The following FAM72C variants were observed in gnomAD, a reference collection of about 807,000 sequenced individuals.
FAM72C encodes the protein RUMY family member 3.
Under a neutral mutation model 5.2 loss-of-function variants are expected in FAM72C, and 1 was observed. The ratio of observed to expected loss-of-function variants is 0.19; its 90% CI spans 0.07 to 0.91. FAM72C has a LOEUF of 0.91. FAM72C is among the 40% of genes least tolerant of loss of function. FAM72C has a pLI of 0.66. For synonymous variants in FAM72C, 1 was observed against 21.8 expected (o/e 0.05, Z 2.66); for missense variants, 4 against 66.0 (o/e 0.06, Z 3.25).
intron 3 of FAM72C, among the ~76,000 whole-genome samples, chr1:143,959,904 G>A (rs1570987437): frequency 7.3e-6 from 1 of 137,370 alleles, no homozygotes; most frequent in Non-Finnish European, 1.5e-5. Context: ...TTGAGCCTGG[G>A]AGGTCGAGGC....
rs1271177372 is a variant in FAM72C, at chr1:143,959,923, G to C, written c.356-3442C>G. ...GCCTGGGAGGTCGAGGCTGCAGTGA[G>C]CCAAGATTGTGCCACTACACTCCAG... On this transcript the variant is annotated intron_variant, in intron 3 of 3. Coordinates refer to ENST00000584486, the MANE Select transcript of FAM72C (RefSeq NM_001287385.2). 1.5e-5 allele frequency among the ~76,000 whole-genome samples: 2 copies of C among 137,688 alleles called. 1 individual carries two copies. Among genetic ancestry groups the C allele is most frequent in the Non-Finnish European group, 3.1e-5 (2 of 64,478 alleles). 90.3% of individuals were successfully genotyped at this position (137,688 alleles called of 152,430 possible).
chr1:143,967,567 A>G (rs1661810865), intron 2 of FAM72C, among the ~76,000 whole-genome samples: 2 of 134,356 alleles, frequency 1.5e-5, no homozygotes, highest in African/African-American at 5.6e-5. Context: ...AGCCCTGGTA[A>G]CAATGACTAC....
In FAM72C at chr1:143,955,313, A is replaced by T. The variant is rs1553517425; in HGVS notation, c.*1074T>A. On this transcript the variant is annotated 3_prime_UTR_variant, in exon 4 of 4. Coordinates refer to ENST00000584486, the MANE Select transcript of FAM72C (RefSeq NM_001287385.2). ...TCTATACTTTAAGTACCATTTATTT[A>T]TATTTTTACATACAATATGTGGGCA... 6.9e-6 allele frequency: 1 copy of T among 144,346 alleles called. No individual in the cohort carries two copies. The highest frequency in any genetic ancestry group is 1.5e-5 in the Non-Finnish European group (1 of 65,724). The allele number at this position is 144,346 out of a possible 1,614,324, so 8.9% of individuals were successfully genotyped here. A position where few individuals can be genotyped will look rare whatever the true frequency, so the allele number is the denominator to read the frequency against.
chr1:143,966,997 C>G (rs1429108959), intron 2 of FAM72C, among the ~76,000 whole-genome samples: 1 of 142,842 alleles, frequency 7.0e-6, no homozygotes, highest in Non-Finnish European at 1.5e-5. Flanking sequence ...CATTGCACTC[C>G]AGCCTGGGCA....
chr1:143,965,734 C>G (rs1203674156), intron 2 of FAM72C, among the ~76,000 whole-genome samples: 2 of 72,348 alleles, frequency 2.8e-5, no homozygotes, highest in African/African-American at 1.0e-4. Context: ...GGTAGGAAGA[C>G]AGCATGAGTC....
At position 143,960,831 on chromosome 1, in the gene FAM72C, A is replaced by T. The variant is rs1166583566; in HGVS notation, c.355+4024T>A. On this transcript the variant is annotated intron_variant, in intron 3 of 3. Transcript: ENST00000584486. Reference sequence around the variant, plus strand: ...TGGTAGTGTACTTTCTTACTAAAATATTTTTTTTTTTTTTTTTTTTGAGAC... The same window carrying T: ...TGGTAGTGTACTTTCTTACTAAAATTTTTTTTTTTTTTTTTTTTTTGAGAC... 1.8e-3 allele frequency among the ~76,000 whole-genome samples: 212 copies of T among 115,256 alleles called. 22 individuals carry two copies. Among genetic ancestry groups the T allele is most frequent in the African/African-American group, 5.1e-3 (153 of 29,828 alleles). The allele number at this position is 115,256 out of a possible 152,430, so 75.6% of individuals were successfully genotyped here.
intron 3 of FAM72C, among the ~76,000 whole-genome samples, chr1:143,960,499 A>G (rs1434463236): frequency 1.5e-5 from 2 of 136,036 alleles, no homozygotes; most frequent in Middle Eastern, 7.6e-3. Flanking sequence ...AGGCTGAGGC[A>G]GGCGGATCCC....
At chr1:143,970,841 C>CACTT in intron 1 of FAM72C, 149 bp downstream of exon 1, 1 of 469,730 alleles carries the variant, frequency 2.1e-6, no homozygotes, top group South Asian at 2.2e-5. Flanking sequence ...ACAGTCTGCC[C>CACTT]ACTTAGATAT....
intron 1 of FAM72C, among the ~76,000 whole-genome samples, chr1:143,969,243 G>GA (rs1235645044): frequency 9.4e-5 from 1 of 10,616 alleles, no homozygotes. Flanking sequence ...TTCATCTGTA[G>GA]AATCAATGGA....
At chr1:143,967,107 G>T (rs1266602157) in intron 2 of FAM72C, among the ~76,000 whole-genome samples, 1 of 145,030 alleles carries the variant, frequency 6.9e-6, no homozygotes, top group Admixed American at 6.9e-5. Context: ...GCCGAGGCAG[G>T]TGGATCACTT....
chr1:143,959,936 C>A lies in FAM72C; in HGVS notation c.356-3455G>T, dbSNP rs587683845. 4.5e-4 allele frequency among the ~76,000 whole-genome samples: 62 copies of A among 137,690 alleles called. 6 individuals are homozygous for A. The East Asian group carries it at 0.013, about 28-fold the overall frequency. 90.3% of individuals were successfully genotyped at this position (137,690 alleles called of 152,430 possible). A position where few individuals can be genotyped will look rare whatever the true frequency, so the allele number is the denominator to read the frequency against. ...AGGCTGCAGTGAGCCAAGATTGTGC[C>A]ACTACACTCCAGCCTGGGTGACAGA... On this transcript the variant is annotated intron_variant, in intron 3 of 3. Transcript: ENST00000584486.
intron 3 of FAM72C, among the ~76,000 whole-genome samples, chr1:143,959,922 A>G (rs1661554511): frequency 7.2e-6 from 1 of 138,018 alleles, no homozygotes; most frequent in South Asian, 2.3e-4. Flanking sequence ...GGCTGCAGTG[A>G]GCCAAGATTG....
intron 3 of FAM72C, among the ~76,000 whole-genome samples, chr1:143,960,362 C>T (rs1361696779): frequency 4.0e-5 from 3 of 74,958 alleles, no homozygotes; most frequent in East Asian, 6.2e-4. Flanking sequence ...GCCGAGATCA[C>T]GCCACTGCTC....
At chr1:143,963,807 G>T (rs1244508672) in intron 3 of FAM72C, among the ~76,000 whole-genome samples, 2 of 140,730 alleles carry the variant, frequency 1.4e-5, no homozygotes, top group Non-Finnish European at 3.1e-5. Context: ...GCAGTTTTTA[G>T]CAATAAAGCA....
At chr1:143,960,676 A>T (rs1661591219) in intron 3 of FAM72C, among the ~76,000 whole-genome samples, 1 of 128,954 alleles carries the variant, frequency 7.8e-6, no homozygotes, top group African/African-American at 2.9e-5. Context: ...AGCCAAGATG[A>T]CACCATTGCA....
intron 2 of FAM72C, among the ~76,000 whole-genome samples, chr1:143,965,195 CTAT>C (rs1288339542): frequency 0.27 from 24,604 of 89,908 alleles, 4,159 homozygotes; most frequent in Non-Finnish European, 0.31. Flanking sequence ...CATTTCTTTG[CTAT>C]TATTATTATT....
chr1:143,959,175 A>G (rs1273008463), intron 3 of FAM72C, among the ~76,000 whole-genome samples: 1 of 139,048 alleles, frequency 7.2e-6, no homozygotes, highest in Non-Finnish European at 1.5e-5. Flanking sequence ...TATGGATTAG[A>G]TTCAGTGCAA....
At position 143,971,017 on chromosome 1, in the gene FAM72C, AG is replaced by A; in HGVS notation, c.124del (p.Leu42PhefsTer28). Reference sequence around the variant, plus strand: ...GGTAGGAGGGATGTCTGTAGAGAAAAGGTCTATTTCAGTATCAGCCAGCAAA... The same window carrying A: ...GGTAGGAGGGATGTCTGTAGAGAAAAGTCTATTTCAGTATCAGCCAGCAAA... ...AVLLADTEID[L>X]FSTDIPPTNA... On this transcript the variant is annotated frameshift_variant, in exon 1 of 4. Coordinates refer to ENST00000584486, the MANE Select transcript of FAM72C (RefSeq NM_001287385.2). LOFTEE classifies it high-confidence loss of function. 1 of 143,560 alleles carries A rather than the reference AG, an allele frequency of 7.0e-6. No individual in the cohort carries two copies. Among genetic ancestry groups the A allele is most frequent in the South Asian group, 4.8e-5 (1 of 20,794 alleles). 8.9% of individuals were successfully genotyped at this position (143,560 alleles called of 1,614,324 possible). A position where few individuals can be genotyped will look rare whatever the true frequency, so the allele number is the denominator to read the frequency against.
rs1411003915 is a variant in FAM72C at position 143,966,991 on chromosome 1, G to C, written c.230+1933C>G. Among the ~76,000 whole-genome samples the C allele has an allele frequency of 4.9e-5, 7 of 143,918 alleles. 2 individuals carry two copies. The highest frequency in any genetic ancestry group is 1.8e-4 in the African/African-American group (7 of 38,536). 94.4% of individuals were successfully genotyped at this position (143,918 alleles called of 152,430 possible). ...TGCAGTGAGCCAAGATCATGCCATT[G>C]CACTCCAGCCTGGGCAACTGAGCAA... On this transcript the variant is annotated intron_variant, in intron 2 of 3. Transcript: ENST00000584486.
Sources: gnomAD v4.1 joint callset for allele counts (sites outside exome capture counted in the v4.1 genomes callset) on GRCh38, gnomAD v4.1.1 for gene constraint, MANE v1.5 for transcripts, NCBI Gene and HGNC (gene_info 2026-07-23, HGNC 2026-07-21) for gene names.